RALGAPA1: variants seen among roughly 807,000 people sequenced by gnomAD.
RALGAPA1 encodes the protein Ral GTPase activating protein catalytic subunit alpha 1.
In RALGAPA1, 52 loss-of-function variants were observed where a neutral mutation model predicts 269.6. That is an observed-to-expected ratio of 0.19 (90% confidence interval 0.15 to 0.24). The LOEUF (loss-of-function observed/expected upper bound fraction) is 0.24, where lower values mean the gene tolerates loss of function less well. Among genes scored for constraint, RALGAPA1 ranks in the 10% least tolerant of loss-of-function variants. The probability of loss-of-function intolerance (pLI) is 1.00; values close to 1 mark genes in which losing one functional copy is unlikely to be tolerated. For synonymous variants in RALGAPA1, 817 were observed against 1,008.3 expected, an observed-to-expected ratio of 0.81 and a Z score of 3.60; for missense variants, 1,917 against 3,013.9, an observed-to-expected ratio of 0.64 and a Z score of 8.52.
Position 35,728,417 on chromosome 14 carries a change from T to A in RALGAPA1, c.1681A>T (p.Ile561Phe). The A allele has an allele frequency of 6.3e-7, 1 of 1,598,934 alleles. No individual in the cohort carries two copies. The highest frequency in any genetic ancestry group is 8.5e-7 in the Non-Finnish European group (1 of 1,175,232). ...ACCATGTACCGATAAATGTTAAGAA[T>A]GCGTTTACACATATCTGTGTGTTCA... ...LDEHTDMCKRILNIYRYMVVQ... is the reference protein window; with the variant it reads ...LDEHTDMCKRFLNIYRYMVVQ... Residue 561 changes from isoleucine (I) to phenylalanine (F), a missense_variant, in exon 13 of 42, where the codon ATT becomes TTT. By Grantham distance (21) the Ile-to-Phe change is conservative. Transcript: ENST00000680220.
chr14:35,778,329 G>A (rs1020037557), intron 1 of RALGAPA1, among the ~76,000 whole-genome samples: 1 of 152,170 alleles, frequency 6.6e-6, no homozygotes, highest in Non-Finnish European at 1.5e-5. Flanking sequence ...GATTACAGGC[G>A]ATAGCCACAA....
chr14:35,761,028 C>T lies in RALGAPA1; in HGVS notation c.370-22G>A, dbSNP rs144437629. 3.3e-6 allele frequency: 5 copies of T among 1,524,174 alleles called. No homozygotes were observed. In the East Asian group the frequency reaches 1.2e-4, roughly 36 times the overall value. The allele number at this position is 1,524,174 out of a possible 1,614,324, so 94.4% of individuals were successfully genotyped here. On this transcript the variant is annotated intron_variant, in intron 5 of 41. Coordinates refer to ENST00000680220, the MANE Select transcript of RALGAPA1 (RefSeq NM_001346249.2). Reference sequence around the variant, plus strand: ...TAATCTAAAATAAAATGAAAATAGACAGTATTTTTATTTATAATGGAAATA... The same window carrying T: ...TAATCTAAAATAAAATGAAAATAGATAGTATTTTTATTTATAATGGAAATA...
intron 35 of RALGAPA1, among the ~76,000 whole-genome samples, chr14:35,614,402 A>G (rs2060126995): frequency 6.6e-6 from 1 of 152,212 alleles, no homozygotes; most frequent in Non-Finnish European, 1.5e-5. Context: ...TAAAGTAGAA[A>G]CATGCTGCAT....
At chr14:35,807,640 T>G (rs1203206256) in intron 1 of RALGAPA1, among the ~76,000 whole-genome samples, 1 of 152,176 alleles carries the variant, frequency 6.6e-6, no homozygotes, top group Non-Finnish European at 1.5e-5. Flanking sequence ...ATTGCAAGGA[T>G]TATCATAATT....
At chr14:35,760,286 G>A (rs911739604) in intron 6 of RALGAPA1, among the ~76,000 whole-genome samples, 6 of 152,158 alleles carry the variant, frequency 3.9e-5, no homozygotes, top group Admixed American at 6.5e-5. Context: ...GAGACAGTAA[G>A]TGACTAGCCT....
In RALGAPA1 at chr14:35,673,022, C is replaced by T. The variant is rs1267136173; in HGVS notation, c.4918G>A (p.Ala1640Thr). 2.7e-6 allele frequency: 4 copies of T among 1,460,618 alleles called. No individual in the cohort carries two copies. The highest frequency in any genetic ancestry group is 3.6e-6 in the Non-Finnish European group (4 of 1,101,112). 90.5% of individuals were successfully genotyped at this position (1,460,618 alleles called of 1,614,324 possible). ...TTATATTTATCAGTCAACATGGTTGCCTAAAATTAAAAGATCAGTTTTAAT... is the reference window on the plus strand; with the variant it reads ...TTATATTTATCAGTCAACATGGTTGTCTAAAATTAAAAGATCAGTTTTAAT... ...LRILTPWLFKATMLTDKYKQG... is the reference protein window; with the variant it reads ...LRILTPWLFKTTMLTDKYKQG... Residue 1640 changes from alanine to threonine, a missense_variant and splice_region_variant, in exon 25 of 42, where the codon GCA becomes ACA. Ala to Thr is a moderately conservative substitution (Grantham distance 58). Transcript: ENST00000680220.
At chr14:35,674,103 T>C (rs2064738765) in intron 24 of RALGAPA1, 77 bp downstream of exon 24, 2 of 1,140,632 alleles carry the variant, frequency 1.8e-6, no homozygotes, top group East Asian at 5.2e-5. Context: ...GTCTATATAA[T>C]AGCCAAAATC....
At chr14:35,660,915 T>C (rs922530083) in intron 27 of RALGAPA1, among the ~76,000 whole-genome samples, 1 of 152,060 alleles carries the variant, frequency 6.6e-6, no homozygotes, top group Non-Finnish European at 1.5e-5. Context: ...ATATAAAAAG[T>C]TGAAGTCTTG....
Position 35,683,940 on chromosome 14 carries a change from A to C in RALGAPA1, c.4340T>G (p.Val1447Gly). The C allele has an allele frequency of 3.7e-6, 6 of 1,613,564 alleles. No individual in the cohort carries two copies. Among genetic ancestry groups the C allele is most frequent in the Non-Finnish European group, 5.1e-6 (6 of 1,179,702 alleles). ...CTGATGATGGCCAGAACCTGAATCC[A>C]CATCAGCAGAGGACGTAACCCCAGT... is the stretch of plus-strand genomic sequence containing the variant. ...TDTGVTSSAD[V>G]DSGSGHHQSA... Residue 1447 changes from valine (V) to glycine (G), a missense_variant, in exon 21 of 42, where the codon GTG becomes GGG. By Grantham distance (109) the Val-to-Gly change is moderately radical. This residue lies in a region of RALGAPA1 where 615 missense variants were observed against 790.0 expected (regional missense o/e 0.78). Coordinates refer to ENST00000680220, the MANE Select transcript of RALGAPA1 (RefSeq NM_001346249.2).
At chr14:35,578,668 T>G (rs1471858993) in intron 37 of RALGAPA1, among the ~76,000 whole-genome samples, 1 of 152,196 alleles carries the variant, frequency 6.6e-6, no homozygotes, top group Non-Finnish European at 1.5e-5. Context: ...ATAACAATAC[T>G]TATCTTGCAT....
intron 3 of RALGAPA1, among the ~76,000 whole-genome samples, chr14:35,772,910 C>A (rs1209352277): frequency 1.3e-5 from 2 of 152,018 alleles, no homozygotes; most frequent in African/African-American, 4.8e-5. Flanking sequence ...CTTTAGTAAA[C>A]CCCATATGAA....
In RALGAPA1 at chr14:35,589,235, G is replaced by A. The variant is rs139482348; in HGVS notation, c.7209+6399C>T. On this transcript the variant is annotated intron_variant, in intron 37 of 41. Coordinates refer to ENST00000680220, the MANE Select transcript of RALGAPA1 (RefSeq NM_001346249.2). ...TCATTATATGCCATTTTCCTTAAAC[G>A]GAGAGAGTCATCACTTATGGGGAAG... Among the ~76,000 whole-genome samples, 15 of 152,266 alleles carry A rather than the reference G, an allele frequency of 9.9e-5. 1 individual carries two copies. The highest frequency in any genetic ancestry group is 2.4e-4 in the African/African-American group (10 of 41,554).
chr14:35,711,516 C>G (rs772951978), intron 16 of RALGAPA1, among the ~76,000 whole-genome samples: 1 of 152,190 alleles, frequency 6.6e-6, no homozygotes, highest in African/African-American at 2.4e-5. Context: ...GGCATAATCT[C>G]CGCTCACTGC....
At chr14:35,605,199 T>C (rs140824912) in intron 36 of RALGAPA1, among the ~76,000 whole-genome samples, 195 of 152,200 alleles carry the variant, frequency 1.3e-3, no homozygotes, top group Non-Finnish European at 2.0e-3. Context: ...CTGGCATTAG[T>C]TTTGGTAAAC....
chr14:35,566,867 T>TTTTA (rs373586634), intron 39 of RALGAPA1, among the ~76,000 whole-genome samples: 1 of 145,240 alleles, frequency 6.9e-6, no homozygotes, highest in African/African-American at 2.5e-5. Context: ...ACTTTGTACA[T>TTTTA]TATATATATA....
At chr14:35,624,068 C>T (rs552989865) in intron 35 of RALGAPA1, among the ~76,000 whole-genome samples, 2 of 139,736 alleles carry the variant, frequency 1.4e-5, no homozygotes, top group South Asian at 4.4e-4. Flanking sequence ...GCCTGAGCGA[C>T]ACAGCAAGAC....
At chr14:35,766,757 G>A (rs1282853981) in intron 4 of RALGAPA1, 2 of 525,184 alleles carry the variant, frequency 3.8e-6, no homozygotes, top group East Asian at 5.2e-5. Context: ...ATGATTTTGT[G>A]AATGCTTTTA....
intron 1 of RALGAPA1, among the ~76,000 whole-genome samples, chr14:35,802,110 C>G (rs1433116544): frequency 2.6e-5 from 4 of 152,160 alleles, no homozygotes; most frequent in African/African-American, 4.8e-5. Context: ...GAGTTCGAGA[C>G]CAGCCTTATC....
rs190420467 is a variant in RALGAPA1 at position 35,769,004 on chromosome 14, G to A, written c.325+1938C>T. ...GCCTGGGCAACAAGGGCGAAACTCC[G>A]TCTCAAAAAAAAAAAAAAAAAAAAA... On this transcript the variant is annotated intron_variant, in intron 4 of 41. Transcript: ENST00000680220. Among the ~76,000 whole-genome samples the A allele has an allele frequency of 2.5e-3, 95 of 37,390 alleles. 2 individuals carry two copies. In the East Asian group the frequency reaches 0.12, roughly 49 times the overall value. The allele number at this position is 37,390 out of a possible 152,430, so 24.5% of individuals were successfully genotyped here.
Sources: allele counts gnomAD v4.1 joint callset (sites outside exome capture counted in the v4.1 genomes callset), GRCh38; gene constraint gnomAD v4.1.1; regional missense constraint gnomAD v4.1.1; transcripts MANE v1.5; gene names NCBI Gene and HGNC (gene_info 2026-07-23, HGNC 2026-07-21).